The following TUBGCP6 variants were observed in gnomAD, a reference collection of about 807,000 sequenced individuals.
The protein encoded by TUBGCP6 is gamma-tubulin complex component 6.
In TUBGCP6, 161 loss-of-function variants were observed where a neutral mutation model predicts 175.8. That is an observed-to-expected ratio of 0.92 (90% confidence interval 0.81 to 1.04). TUBGCP6 has a LOEUF of 1.04. Among genes scored for constraint, TUBGCP6 ranks in the 50% least tolerant of loss-of-function variants. The pLI is 0.00. For synonymous variants in TUBGCP6, 1,173 were observed against 1,030.5 expected (o/e 1.14, Z -2.65); for missense variants, 2,572 against 2,433.0 (o/e 1.06, Z -1.20).
At position 50,224,608 on chromosome 22, in the gene TUBGCP6, G is replaced by A. The variant is rs1175418314; in HGVS notation, c.1984-16C>T. On this transcript the variant is annotated splice_polypyrimidine_tract_variant and intron_variant, in intron 10 of 24. Transcript: ENST00000248846. Reference sequence around the variant, plus strand: ...TACGTAATTCCTGAGAAAGACAACTGGTAATCAAAGCATCCTGGCCGGGCG... The same window carrying A: ...TACGTAATTCCTGAGAAAGACAACTAGTAATCAAAGCATCCTGGCCGGGCG... 3.1e-6 allele frequency: 5 copies of A among 1,612,680 alleles called. No individual in the cohort carries two copies. Among genetic ancestry groups the A allele is most frequent in the Non-Finnish European group, 4.2e-6 (5 of 1,179,826 alleles).
At chr22:50,235,117 A>T (rs1261187924) in intron 2 of TUBGCP6, among the ~76,000 whole-genome samples, 1 of 149,276 alleles carries the variant, frequency 6.7e-6, no homozygotes, top group Non-Finnish European at 1.5e-5. Context: ...CCACTGCAGC[A>T]TCATCCACAC....
chr22:50,224,081 C>T, intron 13 of TUBGCP6, 60 bp downstream of exon 13: 1 of 1,468,154 alleles, frequency 6.8e-7, no homozygotes, highest in East Asian at 2.3e-5. Context: ...TAAGATTAAG[C>T]CAGAGCTATG....
chr22:50,219,640 TCA>T lies in TUBGCP6; in HGVS notation c.4315+2_4315+3del. The T allele has an allele frequency of 6.2e-7, 1 of 1,612,740 alleles. No homozygotes were observed. The highest frequency in any genetic ancestry group is 1.1e-5 in the South Asian group (1 of 91,054). On this transcript the variant is annotated splice_donor_variant and splice_donor_region_variant and intron_variant, in intron 18 of 24. Transcript: ENST00000248846. LOFTEE classifies it high-confidence loss of function. ...TCCCTGCCAACAGCAACTGCTGCACTCACACATGGACTCGTAACTGTCCGGGT... is the reference window on the plus strand; with the variant it reads ...TCCCTGCCAACAGCAACTGCTGCACTCACATGGACTCGTAACTGTCCGGGT...
chr22:50,223,174 A>C (rs1280490745), intron 13 of TUBGCP6: 1 of 154,550 alleles, frequency 6.5e-6, no homozygotes, highest in Non-Finnish European at 1.4e-5. Context: ...TTAACAGGAC[A>C]GTATCGACTG....
In TUBGCP6 at chr22:50,229,411, A is replaced by C. The variant is rs1224080112; in HGVS notation, c.1283T>G (p.Val428Gly). 2 of 1,613,492 alleles carry C rather than the reference A, an allele frequency of 1.2e-6. No individual in the cohort carries two copies. Among genetic ancestry groups the C allele is most frequent in the Non-Finnish European group, 1.7e-6 (2 of 1,179,816 alleles). Residue 428 changes from valine to glycine, a missense_variant, in exon 4 of 25, where the codon GTG becomes GGG. Physicochemically the swap from Val to Gly is moderately radical, Grantham distance 109 (BLOSUM62 -3). Coordinates refer to ENST00000248846, the MANE Select transcript of TUBGCP6 (RefSeq NM_020461.4). The stretch of plus-strand genomic sequence containing the variant: ...ATGAGGCAAAGGCCATACCTGGAAC[A>C]CGAGGCCCTTGCTGTACAAAGAGTC... ...VLDSLYSKGLVFQAFTSGLRR... is the reference protein window; with the variant it reads ...VLDSLYSKGLGFQAFTSGLRR...
In TUBGCP6 at chr22:50,226,717, C is replaced by T. The variant is rs1374469242; in HGVS notation, c.1601+16G>A. Reference sequence around the variant, plus strand: ...GGGAGTGCGCGCCCGCCGCGCCTGCCCAGCCCACTGCCCACCGGGTGTAGG... The same window carrying T: ...GGGAGTGCGCGCCCGCCGCGCCTGCTCAGCCCACTGCCCACCGGGTGTAGG... On this transcript the variant is annotated intron_variant, in intron 7 of 24. Coordinates refer to ENST00000248846, the MANE Select transcript of TUBGCP6 (RefSeq NM_020461.4). 6.4e-7 allele frequency: 1 copy of T among 1,568,672 alleles called. No homozygotes were observed. The highest frequency in any genetic ancestry group is 8.6e-7 in the Non-Finnish European group (1 of 1,156,480).
chr22:50,218,918 C>G, intron 20 of TUBGCP6, 21 bp from the exon 21 acceptor site: 1 of 1,600,244 alleles, frequency 6.2e-7, no homozygotes, highest in Non-Finnish European at 8.5e-7. Context: ...AAGGGACCAC[C>G]GTCCCCAGGA....
intron 16 of TUBGCP6, 22 bp downstream of exon 16, chr22:50,220,229 C>T: frequency 6.5e-7 from 1 of 1,543,506 alleles, no homozygotes; most frequent in Non-Finnish European, 8.8e-7. Context: ...CCACTCCTGA[C>T]CACCAGCCAC....
At chr22:50,231,835 G>A (rs2064697305) in intron 3 of TUBGCP6, among the ~76,000 whole-genome samples, 1 of 150,276 alleles carries the variant, frequency 6.7e-6, no homozygotes, top group African/African-American at 2.5e-5. Context: ...CCTCCAGCCT[G>A]GGCCACAGAG....
chr22:50,221,118 C>T lies in TUBGCP6; in HGVS notation c.3241G>A (p.Gly1081Arg), dbSNP rs752428490. The T allele has an allele frequency of 3.7e-5, 59 of 1,613,308 alleles. No individual in the cohort carries two copies. Among genetic ancestry groups the T allele is most frequent in the Middle Eastern group, 1.6e-4 (1 of 6,062 alleles). ...APTQPRWNTHGHVSNASISLG... is the reference protein window; with the variant it reads ...APTQPRWNTHRHVSNASISLG... ...CTGATGCTGGCATTGGATACGTGTC[C>T]GTGGGTGTTCCACCGTGGCTGGGTG... The change falls in exon 16 of 25, where the codon GGA becomes AGA. Residue 1081 changes from glycine (G) to arginine (R), a missense_variant. Transcript: ENST00000248846.
chr22:50,221,247 C>A lies in TUBGCP6; in HGVS notation c.3112G>T (p.Asp1038Tyr). 6.2e-7 allele frequency: 1 copy of A among 1,614,156 alleles called. No homozygotes were observed. The highest frequency in any genetic ancestry group is 1.1e-5 in the South Asian group (1 of 91,090). ...QVSGGGLPTG[D>Y]YASEIAPTRP... is the part of the protein sequence containing the mutation. ...GTGGGAGCTATTTCAGAAGCGTAGT[C>A]CCCTGTGGGAAGACCACCCCCTGAC... The change falls in exon 16 of 25, where the codon GAC becomes TAC. Residue 1038 changes from aspartate (D) to tyrosine (Y), a missense_variant. Asp to Tyr is a radical substitution (Grantham distance 160, BLOSUM62 -3). Transcript: ENST00000248846.
At chr22:50,223,853 G>C in intron 13 of TUBGCP6, 1 of 299,880 alleles carries the variant, frequency 3.3e-6, no homozygotes, top group Non-Finnish European at 6.2e-6. Flanking sequence ...AATAAGGAAG[G>C]ATGTTCAGAA....
chr22:50,221,560 A>G lies in TUBGCP6; in HGVS notation c.2799T>C (p.Ala933=). ...QTINLDLPPS[A]PGEAPAAAST... ...TGGCTGCTGCGGGTGCCTCCCCAGG[A>G]GCTGAGGGGGGCAGGTCCAAGTTAA... Residue 933 remains alanine (A), a synonymous_variant, in exon 16 of 25, where the codon GCT becomes GCC. Transcript: ENST00000248846. 1 of 1,588,298 alleles carries G rather than the reference A, an allele frequency of 6.3e-7. No individual in the cohort carries two copies.
In TUBGCP6 at chr22:50,227,051, C is replaced by G. The variant is rs1601593309; in HGVS notation, c.1439G>C (p.Gly480Ala). Residue 480 changes from glycine (G) to alanine (A), a missense_variant, in exon 6 of 25, where the codon GGC (glycine) becomes GCC (alanine). By Grantham distance (60) the Gly-to-Ala change is moderately conservative. Transcript: ENST00000248846. The part of the protein sequence containing the change: ...LRYLAELCGV[G>A]AVLPGTCGGG... ...TCCACAGGTGCCCGGGAGCACAGCG[C>G]CAACGCCACAGAGCTCGGCCAGGTA... 3.1e-6 allele frequency: 5 copies of G among 1,612,390 alleles called. No individual in the cohort carries two copies. Among genetic ancestry groups the G allele is most frequent in the Non-Finnish European group, 4.2e-6 (5 of 1,179,558 alleles).
In TUBGCP6 at chr22:50,221,351, A is replaced by T. The variant is rs1214424157; in HGVS notation, c.3008T>A (p.Leu1003Gln). The T allele has an allele frequency of 6.2e-7, 1 of 1,612,594 alleles. No homozygotes were observed. Residue 1003 changes from leucine (L) to glutamine (Q), a missense_variant, in exon 16 of 25, where the codon CTG (leucine) becomes CAG (glutamine). Leu to Gln is a moderately radical substitution (Grantham distance 113). Coordinates refer to ENST00000248846, the MANE Select transcript of TUBGCP6 (RefSeq NM_020461.4). ...DACGSASRET[L>Q]LPSHPPRRAA... ...ACGCCTGGGTGGGTGTGAGGGGAGC[A>T]GAGTCTCCCGCGAGGCGGAGCCACA...
chr22:50,218,452 AGGGGTGC>A (rs1569108135), intron 22 of TUBGCP6, 29 bp downstream of exon 22: 2 of 1,612,836 alleles, frequency 1.2e-6, no homozygotes, highest in African/African-American at 2.7e-5. Context: ...GCCTCCAGCC[AGGGGTGC>A]GGGGCGCCGG....
rs1404616043 is a variant in TUBGCP6 at position 50,226,235 on chromosome 22, G to A, written c.1694-46C>T. ...CGGTGGCCGGCATGGCCATGGCCCT[G>A]AACCCAGGCCCACAGGCACGGACCC... On this transcript the variant is annotated intron_variant, in intron 8 of 24. Transcript: ENST00000248846. 6 of 1,614,006 alleles carry A rather than the reference G, an allele frequency of 3.7e-6. No homozygotes were observed. In the Admixed American group the frequency reaches 1.0e-4, roughly 27 times the overall value.
rs1235831115 is a variant in TUBGCP6 at position 50,217,711 on chromosome 22, T to C, written c.*25A>G. ...AGACAGGGTCCGAGAACACCTTTAT[T>C]GTGCACGTCCCCCGCAGAGCAGCCT... On this transcript the variant is annotated 3_prime_UTR_variant, in exon 25 of 25. Coordinates refer to ENST00000248846, the MANE Select transcript of TUBGCP6 (RefSeq NM_020461.4). 2 of 1,608,960 alleles carry C rather than the reference T, an allele frequency of 1.2e-6. No individual in the cohort carries two copies. Among genetic ancestry groups the C allele is most frequent in the African/African-American group, 1.3e-5 (1 of 74,898 alleles).
intron 21 of TUBGCP6, 31 bp from the exon 22 acceptor site, chr22:50,218,651 C>G (rs767358055): frequency 1.2e-6 from 2 of 1,613,654 alleles, no homozygotes; most frequent in Non-Finnish European, 1.7e-6. Context: ...GCAGGCATCC[C>G]ACAGGCAGGC....
Sources: gnomAD v4.1 joint callset for allele counts (sites outside exome capture counted in the v4.1 genomes callset) on GRCh38, gnomAD v4.1.1 for gene constraint, MANE v1.5 for transcripts, NCBI Gene and HGNC (gene_info 2026-07-23, HGNC 2026-07-21) for gene names.